Variants in SMIM36 observed in about 807,000 individuals in gnomAD.
SMIM36 encodes small integral membrane protein 36.
intron 4 of SMIM36, among the ~76,000 whole-genome samples, chr17:55,460,167 C>T (rs570003047): frequency 1.7e-4 from 26 of 152,230 alleles, no homozygotes; most frequent in African/African-American, 2.4e-4. Flanking sequence ...TGGTGGCTCA[C>T]GCCTGTAACC....
chr17:55,460,989 C>T (rs1030934331), intron 4 of SMIM36, among the ~76,000 whole-genome samples: 6 of 152,156 alleles, frequency 3.9e-5, no homozygotes, highest in South Asian at 2.1e-4. Flanking sequence ...GAGATTTGTA[C>T]TTGTGTAGAG....
At chr17:55,454,158 TGA>T (rs1426459950) in intron 4 of SMIM36, 3 of 152,218 alleles carry the variant, frequency 2.0e-5, no homozygotes, top group Non-Finnish European at 4.4e-5. Flanking sequence ...GTGTTTGGTG[TGA>T]GTCTTTGGAA....
At chr17:55,500,574 A>T (rs374321559) in intron 1 of SMIM36, among the ~76,000 whole-genome samples, 1 of 151,464 alleles carries the variant, frequency 6.6e-6, no homozygotes, top group East Asian at 1.9e-4. Context: ...GAATAACTCA[A>T]TGCCGTCTAT....
chr17:55,496,326 A>G (rs1030550592), intron 1 of SMIM36, among the ~76,000 whole-genome samples: 2 of 152,208 alleles, frequency 1.3e-5, no homozygotes, highest in Non-Finnish European at 2.9e-5. Flanking sequence ...CAATGCGTCA[A>G]GCAGAGAACC....
intron 4 of SMIM36, among the ~76,000 whole-genome samples, chr17:55,464,781 G>A (rs1243984993): frequency 6.6e-6 from 1 of 152,192 alleles, no homozygotes; most frequent in Admixed American, 6.5e-5. Context: ...TATTGATAAA[G>A]ATGGGAACCA....
At chr17:55,457,724 C>T (rs1909053627) in intron 4 of SMIM36, among the ~76,000 whole-genome samples, 1 of 151,856 alleles carries the variant, frequency 6.6e-6, no homozygotes, top group African/African-American at 2.4e-5. Context: ...ACGGGATTCA[C>T]TATATTGGCC....
intron 4 of SMIM36, chr17:55,458,175 A>G (rs2143233329): frequency 6.6e-6 from 1 of 152,354 alleles, no homozygotes; most frequent in South Asian, 2.1e-4. Context: ...GTTCAGCAGT[A>G]AAACCAAGAA....
At chr17:55,453,967 T>C (rs1315264263) in intron 4 of SMIM36, 1 of 152,192 alleles carries the variant, frequency 6.6e-6, no homozygotes. Context: ...TCTGACTCCA[T>C]TAGTTCTCTG....
rs556335490 is a variant in SMIM36, at chr17:55,493,545, C to G, written c.*175-13965G>C. 3.2e-3 allele frequency among the ~76,000 whole-genome samples: 480 copies of G among 152,252 alleles called. 2 individuals carry two copies. Among genetic ancestry groups the G allele is most frequent in the Non-Finnish European group, 5.5e-3 (373 of 68,022 alleles). The stretch of plus-strand genomic sequence containing the variant: ...GAAGTTTGGGCTGGATGTGGTGGCT[C>G]AAGCCTGTAATCCTAGCACTTTGGG... On this transcript the variant is annotated intron_variant, in intron 1 of 4. Transcript: ENST00000636752.
chr17:55,466,137 C>A (rs1909231196), intron 4 of SMIM36, among the ~76,000 whole-genome samples: 1 of 151,844 alleles, frequency 6.6e-6, no homozygotes, highest in Non-Finnish European at 1.5e-5. Flanking sequence ...ATTAGCCTGG[C>A]ATGGTGGCGG....
chr17:55,483,660 CTTTT>C (rs903956964), intron 1 of SMIM36, among the ~76,000 whole-genome samples: 1 of 152,060 alleles, frequency 6.6e-6, no homozygotes, highest in South Asian at 2.1e-4. Context: ...GAACTAATTT[CTTTT>C]TTTGAGATGG....
chr17:55,513,219 A>G (rs1486983200), upstream of SMIM36, among the ~76,000 whole-genome samples: 1 of 152,188 alleles, frequency 6.6e-6, no homozygotes, highest in Non-Finnish European at 1.5e-5. Flanking sequence ...GATAATTTTG[A>G]TCTGCAACCA....
At chr17:55,513,192 T>A (rs536615658), upstream of SMIM36, among the ~76,000 whole-genome samples, 2 of 152,266 alleles carry the variant, frequency 1.3e-5, no homozygotes, top group East Asian at 3.9e-4. Flanking sequence ...GGATCTGTAT[T>A]AATAAAAATC....
the SMIM36 span, among the ~76,000 whole-genome samples, chr17:55,519,262 G>A: frequency 0.047 from 7,131 of 152,212 alleles, 533 homozygotes; most frequent in African/African-American, 0.16. Context: ...TCAGTGAGCA[G>A]AATAGAAGGT....
At chr17:55,461,607 A>G (rs1909150344) in intron 4 of SMIM36, among the ~76,000 whole-genome samples, 1 of 152,210 alleles carries the variant, frequency 6.6e-6, no homozygotes. Flanking sequence ...GTCTCAAAAA[A>G]ACAAAAACAA....
At chr17:55,450,897 T>C (rs1212525023) in intron 4 of SMIM36, among the ~76,000 whole-genome samples, 3 of 152,208 alleles carry the variant, frequency 2.0e-5, no homozygotes, top group African/African-American at 7.2e-5. Context: ...GTGGCTTCTT[T>C]TTTTTTTGAG....
At chr17:55,509,913 T>A (rs191535794) in intron 1 of SMIM36, among the ~76,000 whole-genome samples, 1 of 152,214 alleles carries the variant, frequency 6.6e-6, no homozygotes, top group East Asian at 1.9e-4. Flanking sequence ...GTCTCAGAAT[T>A]CTTTCAATGA....
chr17:55,472,198 G>A (rs189320952), intron 3 of SMIM36, among the ~76,000 whole-genome samples: 39 of 152,086 alleles, frequency 2.6e-4, no homozygotes, highest in Middle Eastern at 6.8e-3. Flanking sequence ...TTGGTTTATC[G>A]ATGGCAGTTC....
At chr17:55,454,353 G>A (rs1598445394) in intron 4 of SMIM36, among the ~76,000 whole-genome samples, 1 of 152,144 alleles carries the variant, frequency 6.6e-6, no homozygotes, top group African/African-American at 2.4e-5. Context: ...AGAAAGAACC[G>A]CTGAGGTCAG....
Sources: gnomAD v4.1 joint callset for allele counts (sites outside exome capture counted in the v4.1 genomes callset) on GRCh38, gnomAD v4.1.1 for gene constraint, MANE v1.5 for transcripts, NCBI Gene and HGNC (gene_info 2026-07-23, HGNC 2026-07-21) for gene names.